The following KDM4C variants were observed in gnomAD, a reference collection of about 807,000 sequenced individuals.
The protein encoded by KDM4C is lysine-specific demethylase 4C.
A neutral mutation model predicts 129.3 loss-of-function variants in KDM4C; 81 were observed. That is an observed-to-expected ratio of 0.63 (90% confidence interval 0.52 to 0.75). The LOEUF is 0.75. Ranked by LOEUF, KDM4C falls within the 30% of genes least tolerant of loss-of-function variation. The pLI is 0.00. For missense variants in KDM4C, 1,457 were observed against 1,304.0 expected (o/e 1.12, Z -1.81); for synonymous variants, 573 against 456.1 (o/e 1.26, Z -3.26).
chr9:6,742,676 G>T (rs1456814847), intron 1 of KDM4C, among the ~76,000 whole-genome samples: 5 of 69,476 alleles, frequency 7.2e-5, no homozygotes, highest in African/African-American at 5.0e-4. Context: ...TTGGTGGGGT[G>T]GGGAATTTTT....
chr9:6,873,929 AGT>A (rs1361244787), intron 5 of KDM4C, among the ~76,000 whole-genome samples: 1 of 137,760 alleles, frequency 7.3e-6, no homozygotes, highest in African/African-American at 2.7e-5. Context: ...AGAGAGAGAG[AGT>A]GAGAGAGAGC....
chr9:7,059,995 C>A (rs1359979088), intron 17 of KDM4C, among the ~76,000 whole-genome samples: 1 of 151,820 alleles, frequency 6.6e-6, no homozygotes, highest in Admixed American at 6.6e-5. Context: ...GTCCGGATAC[C>A]AAAAAGTTTG....
At chr9:6,816,008 A>G (rs1301412390) in intron 4 of KDM4C, among the ~76,000 whole-genome samples, 3 of 152,156 alleles carry the variant, frequency 2.0e-5, no homozygotes, top group Admixed American at 2.0e-4. Flanking sequence ...ATATAATATT[A>G]TCTAGTGTAT....
intron 13 of KDM4C, 29 bp downstream of exon 13, chr9:7,011,908 T>C: frequency 1.3e-6 from 2 of 1,579,880 alleles, no homozygotes; most frequent in Non-Finnish European, 1.7e-6. Flanking sequence ...ATAGTTCCCT[T>C]CACTGCTCTG....
intron 19 of KDM4C, among the ~76,000 whole-genome samples, chr9:7,161,460 T>C (rs761954757): frequency 1.5e-4 from 23 of 152,164 alleles, no homozygotes; most frequent in Non-Finnish European, 3.1e-4. Flanking sequence ...TTGGCCATCT[T>C]CCAGACCTTT....
chr9:7,103,510 A>G (rs937268357), intron 17 of KDM4C, among the ~76,000 whole-genome samples, 175 bp from the exon 18 acceptor site: 1 of 151,782 alleles, frequency 6.6e-6, no homozygotes, highest in East Asian at 1.9e-4. Flanking sequence ...AAGAAAGTAG[A>G]TTACATTGCC....
intron 8 of KDM4C, among the ~76,000 whole-genome samples, chr9:6,969,001 A>C (rs1027057729): frequency 6.6e-6 from 1 of 152,124 alleles, no homozygotes; most frequent in African/African-American, 2.4e-5. Context: ...CAGTGGCATG[A>C]TATTGGCTCA....
At position 6,846,404 on chromosome 9, in the gene KDM4C, G is replaced by C. The variant is rs550344065; in HGVS notation, c.436-3103G>C. ...ATATTGTATAACACTTCACTTTAAT[G>C]ATAACTAGGTGCATTTTTGGTCTAA... On this transcript the variant is annotated intron_variant, in intron 4 of 21. Coordinates refer to ENST00000381309, the MANE Select transcript of KDM4C (RefSeq NM_015061.6). Among the ~76,000 whole-genome samples the C allele has an allele frequency of 2.2e-4, 33 of 152,244 alleles. 1 individual carries two copies. In the South Asian group the frequency reaches 6.9e-3, roughly 32 times the overall value.
intron 17 of KDM4C, among the ~76,000 whole-genome samples, chr9:7,072,417 C>T (rs1269488290): frequency 1.3e-5 from 2 of 152,154 alleles, no homozygotes; most frequent in East Asian, 3.8e-4. Context: ...ATGGTACCTT[C>T]ATACAATATA....
chr9:6,767,752 C>G (rs1020964754), intron 1 of KDM4C, among the ~76,000 whole-genome samples: 2 of 152,196 alleles, frequency 1.3e-5, no homozygotes, highest in African/African-American at 4.8e-5. Flanking sequence ...ATCTTCTGTG[C>G]TTGGCCATCT....
At chr9:6,857,595 C>G (rs1039005289) in intron 5 of KDM4C, among the ~76,000 whole-genome samples, 3 of 151,948 alleles carry the variant, frequency 2.0e-5, no homozygotes, top group African/African-American at 7.3e-5. Context: ...ACTCTTTTTT[C>G]CTGAAGTGTT....
At chr9:6,964,253 C>G (rs534494039) in intron 8 of KDM4C, among the ~76,000 whole-genome samples, 3 of 149,518 alleles carry the variant, frequency 2.0e-5, no homozygotes, top group Admixed American at 1.3e-4. Context: ...CCTGACCCCC[C>G]AACAGGCCCA....
chr9:7,095,944 C>T (rs973507053), intron 17 of KDM4C, among the ~76,000 whole-genome samples: 4 of 152,086 alleles, frequency 2.6e-5, no homozygotes, highest in African/African-American at 7.2e-5. Context: ...CTCTTTAATA[C>T]GAACATAAAA....
chr9:7,036,962 A>T (rs1314573967), intron 15 of KDM4C, among the ~76,000 whole-genome samples: 1 of 152,224 alleles, frequency 6.6e-6, no homozygotes, highest in East Asian at 1.9e-4. Flanking sequence ...TGGAATTTCC[A>T]TTTAAAAGGT....
At chr9:7,134,421 C>T (rs12341169) in intron 19 of KDM4C, among the ~76,000 whole-genome samples, 54,296 of 152,078 alleles carry the variant, frequency 0.36, 10,114 homozygotes, top group Middle Eastern at 0.5. Context: ...TTAATGTTCA[C>T]ATGATGCATA....
At position 7,020,834 on chromosome 9, in the gene KDM4C, G is replaced by A. The variant is rs188527275; in HGVS notation, c.2259+4905G>A. ...CAAACAATCCAGTTATACTCATTGCGTTACTTTAAAATGTACAATTAAATT... is the reference window on the plus strand; with the variant it reads ...CAAACAATCCAGTTATACTCATTGCATTACTTTAAAATGTACAATTAAATT... On this transcript the variant is annotated intron_variant, in intron 15 of 21. Transcript: ENST00000381309. Among the ~76,000 whole-genome samples, 739 of 151,560 alleles carry A rather than the reference G, an allele frequency of 4.9e-3. 7 individuals are homozygous for A. Among genetic ancestry groups the A allele is most frequent in the African/African-American group, 0.017 (704 of 41,340 alleles).
chr9:6,817,881 C>T (rs531067593), intron 4 of KDM4C, among the ~76,000 whole-genome samples: 2 of 151,192 alleles, frequency 1.3e-5, no homozygotes, highest in South Asian at 4.2e-4. Context: ...ATTCTCCTGC[C>T]ACAGCCTCCC....
intron 17 of KDM4C, among the ~76,000 whole-genome samples, chr9:7,070,908 C>T (rs746968070): frequency 1.1e-4 from 16 of 152,024 alleles, no homozygotes; most frequent in Non-Finnish European, 1.5e-4. Context: ...TGGAGGAGGA[C>T]ATGATTATTT....
At chr9:7,149,809 C>T (rs1037321843) in intron 19 of KDM4C, among the ~76,000 whole-genome samples, 1 of 152,138 alleles carries the variant, frequency 6.6e-6, no homozygotes, top group African/African-American at 2.4e-5. Context: ...TTTCTAGAAA[C>T]ATTTTTTCAC....
Sources: gnomAD v4.1 joint callset for allele counts (sites outside exome capture counted in the v4.1 genomes callset) on GRCh38, gnomAD v4.1.1 for gene constraint, MANE v1.5 for transcripts, NCBI Gene and HGNC (gene_info 2026-07-23, HGNC 2026-07-21) for gene names.